The following PRPF8 variants were observed in gnomAD, a reference collection of about 807,000 sequenced individuals.
The protein encoded by PRPF8 is pre-mRNA-processing-splicing factor 8.
PRPF8 carries 64 observed loss-of-function variants against 285.9 expected under a neutral mutation model. The ratio of observed to expected loss-of-function variants is 0.22; its 90% CI spans 0.18 to 0.28. The LOEUF (loss-of-function observed/expected upper bound fraction) is 0.28. Ranked by LOEUF, PRPF8 falls within the 10% of genes least tolerant of loss-of-function variation. The pLI is 1.00. For missense variants in PRPF8, 1,426 were observed against 3,026.7 expected (o/e 0.47, Z 12.41); for synonymous variants, 1,325 against 1,118.2 (o/e 1.18, Z -3.69).
Position 1,679,440 on chromosome 17 carries a change from C to T in PRPF8, c.1290-30G>A. 6.2e-7 allele frequency: 1 copy of T among 1,612,042 alleles called. No individual in the cohort carries two copies. The highest frequency in any genetic ancestry group is 8.5e-7 in the Non-Finnish European group (1 of 1,179,982). ...AAAAATAAGCCCACCAGAGTTTGGC[C>T]ATCTCTTCTTCCAGACACTCTGCTA... On this transcript the variant is annotated intron_variant, in intron 9 of 42. Transcript: ENST00000304992. The surrounding 1 kb of genome is among the most constrained non-coding windows in gnomAD (Gnocchi z 4.7).
rs376308412 is a variant in PRPF8, at chr17:1,661,182, C to T, written c.4339-20G>A. On this transcript the variant is annotated intron_variant, in intron 27 of 42. Transcript: ENST00000304992. The surrounding 1 kb of genome is among the most constrained non-coding windows in gnomAD (Gnocchi z 7.3). ...CAAAACCTAGATGGCAAGGCAGGCACGGTCAAGCTTCTGGGTGCCTATTGC... is the reference window on the plus strand; with the variant it reads ...CAAAACCTAGATGGCAAGGCAGGCATGGTCAAGCTTCTGGGTGCCTATTGC... 95 of 1,614,118 alleles carry T rather than the reference C, an allele frequency of 5.9e-5. No individual in the cohort carries two copies. In the African/African-American group the frequency reaches 7.9e-4, roughly 13 times the overall value.
chr17:1,659,350 A>G lies in PRPF8; in HGVS notation c.5138+7T>C. ...CTGAAAATACATGGTCCTGAGCCTC[A>G]ACTCACCTGTGCAAGTTATAGGCCA... On this transcript the variant is annotated splice_region_variant and intron_variant, in intron 32 of 42. Coordinates refer to ENST00000304992, the MANE Select transcript of PRPF8 (RefSeq NM_006445.4). The surrounding 1 kb of genome is among the most constrained non-coding windows in gnomAD (Gnocchi z 5.1). 1.2e-6 allele frequency: 2 copies of G among 1,613,846 alleles called. No individual in the cohort carries two copies. Among genetic ancestry groups the G allele is most frequent in the Non-Finnish European group, 1.7e-6 (2 of 1,179,976 alleles).
At chr17:1,684,218 G>A (rs1913101532) in intron 2 of PRPF8, among the ~76,000 whole-genome samples, 2 of 152,098 alleles carry the variant, frequency 1.3e-5, no homozygotes, top group South Asian at 2.1e-4. Flanking sequence ...TCAAGGTTTT[G>A]TTATTCTCTG....
chr17:1,660,036 A>C (rs1209552732), intron 30 of PRPF8, 35 bp from the exon 31 acceptor site: 1 of 1,604,280 alleles, frequency 6.2e-7, no homozygotes, highest in African/African-American at 1.3e-5. Flanking sequence ...AGACTTGTTA[A>C]GGAAGCCCAA....
Position 1,684,832 on chromosome 17 carries a change from G to A in PRPF8, c.-64C>T, listed in dbSNP as rs945305533. 2.8e-5 allele frequency: 17 copies of A among 596,646 alleles called. No individual in the cohort carries two copies. Among genetic ancestry groups the A allele is most frequent in the South Asian group, 2.4e-4 (12 of 50,590 alleles). 37.0% of individuals were successfully genotyped at this position (596,646 alleles called of 1,614,324 possible). On this transcript the variant is annotated 5_prime_UTR_variant, in exon 1 of 43. Transcript: ENST00000304992. ...TTTCCCCGCAGCGCAATGGCGGCCA[G>A]ACTGCGTCCGCTCCGCGTTCCCAGC...
rs1271430541 is a variant in PRPF8, at chr17:1,684,462, C to A, written c.100+10G>T. 1.2e-6 allele frequency: 2 copies of A among 1,612,450 alleles called. No homozygotes were observed. Among genetic ancestry groups the A allele is most frequent in the African/African-American group, 1.3e-5 (1 of 74,916 alleles). ...TCCGGCCCGCGCGCCGCTCCACACT[C>A]TCGCCTCACCTTTCTCCTGCAGCTT... On this transcript the variant is annotated intron_variant, in intron 2 of 42. Transcript: ENST00000304992.
rs1267501512 is a variant in PRPF8 at position 1,679,288 on chromosome 17, T to C, written c.1409+3A>G. ...TCTGCGCAGGGCCCCTGGGGCACCT[T>C]ACCTCTTCTTTTGAGCCTTAGGGGG... is the stretch of plus-strand genomic sequence containing the variant. On this transcript the variant is annotated splice_donor_region_variant and intron_variant, in intron 10 of 42. Coordinates refer to ENST00000304992, the MANE Select transcript of PRPF8 (RefSeq NM_006445.4). The surrounding 1 kb of genome is among the most constrained non-coding windows in gnomAD (Gnocchi z 4.7). The C allele has an allele frequency of 6.2e-7, 1 of 1,614,184 alleles. No homozygotes were observed. Among genetic ancestry groups the C allele is most frequent in the Admixed American group, 1.7e-5 (1 of 60,016 alleles).
In PRPF8 at chr17:1,679,516, AG is replaced by A; in HGVS notation, c.1289+92del. 7 of 1,567,482 alleles carry A rather than the reference AG, an allele frequency of 4.5e-6. No individual in the cohort carries two copies. Among genetic ancestry groups the A allele is most frequent in the South Asian group, 1.2e-5 (1 of 85,780 alleles). ...CCATTTTTATGGGAAAAAAAAAAAA[AG>A]AATTTAAAAAAAAGGCTACATGCCC... On this transcript the variant is annotated intron_variant, in intron 9 of 42. Coordinates refer to ENST00000304992, the MANE Select transcript of PRPF8 (RefSeq NM_006445.4). This position sits in a 1 kb window ranked among gnomAD's most constrained non-coding sequence, Gnocchi z 4.7.
At position 1,682,135 on chromosome 17, in the gene PRPF8, T is replaced by G; in HGVS notation, c.428A>C (p.Gln143Pro). The G allele has an allele frequency of 6.2e-7, 1 of 1,613,586 alleles. No individual in the cohort carries two copies. The highest frequency in any genetic ancestry group is 8.5e-7 in the Non-Finnish European group (1 of 1,179,818). The change falls in exon 4 of 43, where the codon CAG becomes CCG. Residue 143 changes from glutamine to proline, a missense_variant. Around this residue, in one of 34 missense-constraint regions of PRPF8, gnomAD observed 96 missense variants for 188.3 expected, o/e 0.51. Coordinates refer to ENST00000304992, the MANE Select transcript of PRPF8 (RefSeq NM_006445.4). ...ATATTTCAGCCTTTCTCACCCCCAC[T>G]GGGAGATGTAGACAGGTTCAATGAC... ...PWVIEPVYIS[Q>P]WGSMWIMMRR...
At position 1,682,175 on chromosome 17, in the gene PRPF8, T is replaced by C. The variant is rs763514687; in HGVS notation, c.388A>G (p.Asn130Asp). ...GGTTCAATGACCCAGGGAATCTCATTGACGAAGGAAATGGCTCCAGTGATG... is the reference window on the plus strand; with the variant it reads ...GGTTCAATGACCCAGGGAATCTCATCGACGAAGGAAATGGCTCCAGTGATG... ...YHITGAISFV[N>D]EIPWVIEPVY... Residue 130 changes from asparagine (N) to aspartate (D), a missense_variant, in exon 4 of 43, where the codon AAT becomes GAT. By Grantham distance (23) the Asn-to-Asp change is conservative. Around this residue, in one of 34 missense-constraint regions of PRPF8, gnomAD observed 96 missense variants for 188.3 expected, o/e 0.51. Transcript: ENST00000304992. 3.7e-6 allele frequency: 6 copies of C among 1,613,968 alleles called. No homozygotes were observed. The highest frequency in any genetic ancestry group is 1.1e-5 in the South Asian group (1 of 91,070).
chr17:1,675,233 G>C lies in PRPF8; in HGVS notation c.2979C>G (p.Leu993=). 1 of 1,614,214 alleles carries C rather than the reference G, an allele frequency of 6.2e-7. No homozygotes were observed. Among genetic ancestry groups the C allele is most frequent in the South Asian group, 1.1e-5 (1 of 91,088 alleles). The part of the protein sequence containing the change: ...KMYEKIDLTL[L]NRLLRLIVDH... ...CCACGATGAGGCGCAGCAGCCTGTT[G>C]AGCAGAGTCAAGTCGATCTTCTCAT... Residue 993 remains leucine (L), a synonymous_variant, in exon 20 of 43, where the codon CTC becomes CTG. Coordinates refer to ENST00000304992, the MANE Select transcript of PRPF8 (RefSeq NM_006445.4). The surrounding 1 kb of genome is among the most constrained non-coding windows in gnomAD (Gnocchi z 6.0).
At chr17:1,668,022 T>C (rs1912090424) in intron 24 of PRPF8, among the ~76,000 whole-genome samples, 1 of 152,232 alleles carries the variant, frequency 6.6e-6, no homozygotes, top group South Asian at 2.1e-4. Context: ...AAATACCCCG[T>C]TTCATTTAAT....
At position 1,653,490 on chromosome 17, in the gene PRPF8, G is replaced by A. The variant is rs1363587485; in HGVS notation, c.6369+52C>T. The stretch of plus-strand genomic sequence containing the variant: ...AGACAATCTCAGGTCTGAGTTTTAG[G>A]CACAAAATGAGTTGGGCACACACTG... On this transcript the variant is annotated intron_variant, in intron 39 of 42. Coordinates refer to ENST00000304992, the MANE Select transcript of PRPF8 (RefSeq NM_006445.4). The surrounding 1 kb of genome is among the most constrained non-coding windows in gnomAD (Gnocchi z 4.9). 7.4e-6 allele frequency: 12 copies of A among 1,610,978 alleles called. No individual in the cohort carries two copies. The Admixed American group carries it at 2.0e-4, about 27-fold the overall frequency.
chr17:1,675,847 CCAACTGCTACCTTTGGTAGAACCAAAGG>C lies in PRPF8; in HGVS notation c.2679+53_2680-36del, dbSNP rs542299373. On this transcript the variant is annotated intron_variant, in intron 18 of 42. Coordinates refer to ENST00000304992, the MANE Select transcript of PRPF8 (RefSeq NM_006445.4). This position sits in a 1 kb window ranked among gnomAD's most constrained non-coding sequence, Gnocchi z 6.0. The stretch of plus-strand genomic sequence containing the variant: ...AAGGAGGCTGGTTCACACCAATCCA[CCAACTGCTACCTTTGGTAGAACCAAAGG>C]CAACTGCTACCTTTGGTAGAACCAA... 2.6e-3 allele frequency: 4,143 copies of C among 1,614,172 alleles called. 71 individuals are homozygous for C. Among genetic ancestry groups the C allele is most frequent in the East Asian group, 5.6e-3 (253 of 44,886 alleles).
chr17:1,673,075 C>G lies in PRPF8; in HGVS notation c.3774+6G>C. 6.2e-7 allele frequency: 1 copy of G among 1,613,724 alleles called. No individual in the cohort carries two copies. Among genetic ancestry groups the G allele is most frequent in the Non-Finnish European group, 8.5e-7 (1 of 1,179,750 alleles). On this transcript the variant is annotated splice_donor_region_variant and intron_variant, in intron 24 of 42. Coordinates refer to ENST00000304992, the MANE Select transcript of PRPF8 (RefSeq NM_006445.4). This position sits in a 1 kb window ranked among gnomAD's most constrained non-coding sequence, Gnocchi z 5.5. ...AAGAGGGAAGCTGGGCATGACGGCC[C>G]TGTACCTTGGTGAAGGTGGTGGACC...
Position 1,655,160 on chromosome 17 carries a change from G to A in PRPF8, c.5987+190C>T, listed in dbSNP as rs962293014. 4.0e-5 allele frequency among the ~76,000 whole-genome samples: 6 copies of A among 150,092 alleles called. No homozygotes were observed. The South Asian group carries it at 8.5e-4, about 21-fold the overall frequency. On this transcript the variant is annotated intron_variant, in intron 37 of 42. Transcript: ENST00000304992. ...TTTAGTAGAGACGGAGTTTCACCAC[G>A]TTGGCCAGGATGGTTTCAAACTCCT...
At position 1,677,468 on chromosome 17, in the gene PRPF8, G is replaced by A. The variant is rs144780030; in HGVS notation, c.1984+97C>T. ...ACTGGACCTAAAGGCAATCCAGTAG[G>A]AAGAGTGCTCATACAAGAGCAGGGA... is the stretch of plus-strand genomic sequence containing the variant. On this transcript the variant is annotated intron_variant, in intron 14 of 42. Transcript: ENST00000304992. The A allele has an allele frequency of 3.5e-5, 55 of 1,563,720 alleles. No individual in the cohort carries two copies. The South Asian group carries it at 5.6e-4, about 16-fold the overall frequency.
Position 1,661,569 on chromosome 17 carries a change from C to G in PRPF8, c.4202+42G>C. The G allele has an allele frequency of 6.2e-7, 1 of 1,612,006 alleles. No homozygotes were observed. Among genetic ancestry groups the G allele is most frequent in the Non-Finnish European group, 8.5e-7 (1 of 1,179,884 alleles). On this transcript the variant is annotated intron_variant, in intron 26 of 42. Transcript: ENST00000304992. The surrounding 1 kb of genome is among the most constrained non-coding windows in gnomAD (Gnocchi z 7.3). ...ACTCCACACGGTTCAAAGGCCACCA[C>G]TGCCCCTGCCCCAGGGTTGGCATGC...
Position 1,658,213 on chromosome 17 carries a change from A to C in PRPF8, c.5505+40T>G, listed in dbSNP as rs62088056. The C allele has an allele frequency of 0.034, 55,320 of 1,613,534 alleles. 1,078 individuals carry two copies. The highest frequency in any genetic ancestry group is 0.043 in the Middle Eastern group (248 of 5,714). ...CAAGTCCACCCCAAGAATAAGAGGC[A>C]ACATGGTTCTACAGCCTCTTCATCT... is the stretch of plus-strand genomic sequence containing the variant. On this transcript the variant is annotated intron_variant, in intron 34 of 42. Transcript: ENST00000304992. The surrounding 1 kb of genome is among the most constrained non-coding windows in gnomAD (Gnocchi z 4.1).
Sources: gnomAD v4.1 joint callset for allele counts (sites outside exome capture counted in the v4.1 genomes callset) on GRCh38, gnomAD v4.1.1 for gene constraint, gnomAD v4.1.1 regional missense constraint, Gnocchi (gnomAD v3.1) non-coding constraint, MANE v1.5 for transcripts, NCBI Gene and HGNC (gene_info 2026-07-23, HGNC 2026-07-21) for gene names.